ZXDC: variants seen among roughly 807,000 people sequenced by gnomAD.
ZXDC encodes the protein zinc finger protein ZXDC.
Under a neutral mutation model 63.6 loss-of-function variants are expected in ZXDC, and 58 were observed. The ratio of observed to expected loss-of-function variants is 0.91; its 90% CI spans 0.74 to 1.13. The LOEUF (loss-of-function observed/expected upper bound fraction) is 1.13, where lower values mean the gene tolerates loss of function less well. ZXDC is among the 50% of genes most tolerant of loss of function. ZXDC has a pLI of 0.00. For synonymous variants in ZXDC, 561 were observed against 496.1 expected (o/e 1.13, Z -1.74); for missense variants, 1,133 against 1,148.9 (o/e 0.99, Z 0.20).
At chr3:126,440,153 G>A in intron 8 of ZXDC, 1 of 1,009,946 alleles carries the variant, frequency 9.9e-7, no homozygotes, top group Non-Finnish European at 1.2e-6. Context: ...TTGCCTACGG[G>A]CCAGCTGGAA....
chr3:126,458,837 T>C, intron 7 of ZXDC: 1 of 985,378 alleles, frequency 1.0e-6, no homozygotes, highest in Non-Finnish European at 1.2e-6. Flanking sequence ...GAGGTGTCCC[T>C]TCCTAAGTCA....
At chr3:126,451,553 C>T (rs1370742936) in intron 7 of ZXDC, 1 of 985,262 alleles carries the variant, frequency 1.0e-6, no homozygotes, top group Non-Finnish European at 1.2e-6. Flanking sequence ...ACAGAGTGTC[C>T]CCAGTGAAGC....
At chr3:126,458,444 G>GC (rs941004105) in intron 7 of ZXDC, 31 of 252,838 alleles carry the variant, frequency 1.2e-4, no homozygotes, top group Non-Finnish European at 1.7e-4. Context: ...CACCATGTTG[G>GC]CCAGGCTGGT....
chr3:126,450,251 G>T, intron 7 of ZXDC: 2 of 442,490 alleles, frequency 4.5e-6, no homozygotes, highest in Non-Finnish European at 9.1e-6. Flanking sequence ...CCTTGGATGC[G>T]TAAGGGTCAG....
rs139749960 is a variant in ZXDC at position 126,466,249 on chromosome 3, C to T, written c.1347G>A (p.Pro449=). The T allele has an allele frequency of 2.2e-4, 361 of 1,614,150 alleles. No individual in the cohort carries two copies. The African/African-American group carries it at 4.0e-3, about 18-fold the overall frequency. The change falls in exon 5 of 10, where the codon CCG becomes CCA. Residue 449 remains proline (P), a synonymous_variant. Coordinates refer to ENST00000389709, the MANE Select transcript of ZXDC (RefSeq NM_025112.5). The part of the protein sequence containing the change: ...SKKHVQDVGA[P]KSRCPVSTCN... ...AGGTAGAAACTGGGCAACGGCTTTT[C>T]GGAGCACCCACATCCTGCACGTGTT...
chr3:126,461,252 A>T, intron 6 of ZXDC: 1 of 1,188,656 alleles, frequency 8.4e-7, no homozygotes, highest in Non-Finnish European at 1.0e-6. Context: ...CCAATCTTCA[A>T]GGAAAGGAGC....
At chr3:126,446,291 G>T (rs760059087) in intron 7 of ZXDC, among the ~76,000 whole-genome samples, 1 of 152,172 alleles carries the variant, frequency 6.6e-6, no homozygotes. Flanking sequence ...TCCTATCTAG[G>T]TATGATGGTA....
chr3:126,450,744 G>T, intron 7 of ZXDC: 1 of 351,772 alleles, frequency 2.8e-6, no homozygotes, highest in Non-Finnish European at 5.6e-6. Context: ...GTTTTAAAGT[G>T]AAACAGATTA....
At position 126,439,728 on chromosome 3, in the gene ZXDC, C is replaced by T. The variant is rs1258836678; in HGVS notation, c.2395-1G>A. 5 of 1,550,272 alleles carry T rather than the reference C, an allele frequency of 3.2e-6. No homozygotes were observed. In the Middle Eastern group the frequency reaches 6.7e-4, roughly 207 times the overall value. The stretch of plus-strand genomic sequence containing the variant: ...GGACACCTTCGCCGGAGGGGTCATC[C>T]TGGGAAGGCAACACAGAAAGGCCTG... On this transcript the variant is annotated splice_acceptor_variant, in intron 8 of 9. Coordinates refer to ENST00000389709, the MANE Select transcript of ZXDC (RefSeq NM_025112.5). LOFTEE classifies it high-confidence loss of function.
intron 3 of ZXDC, 132 bp downstream of exon 3, chr3:126,471,841 C>A (rs1167499468): frequency 2.8e-6 from 2 of 702,704 alleles, no homozygotes; most frequent in Non-Finnish European, 4.3e-6. Flanking sequence ...TCTGAATTTT[C>A]CAAATCATCA....
Position 126,441,954 on chromosome 3 carries a change from GAAAT to G in ZXDC, c.2213-12_2213-9del. On this transcript the variant is annotated splice_polypyrimidine_tract_variant and intron_variant, in intron 7 of 9. Coordinates refer to ENST00000389709, the MANE Select transcript of ZXDC (RefSeq NM_025112.5). ...GAGTAGACTGTGAGGCTCCTAAAAT[GAAAT>G]ATAAAAACGAGCACACCCAATCTAC... is the stretch of plus-strand genomic sequence containing the variant. 1 of 1,584,472 alleles carries G rather than the reference GAAAT, an allele frequency of 6.3e-7. No homozygotes were observed. The highest frequency in any genetic ancestry group is 1.1e-5 in the South Asian group (1 of 86,982).
chr3:126,472,697 A>G (rs1251287646), intron 1 of ZXDC, among the ~76,000 whole-genome samples: 2 of 152,190 alleles, frequency 1.3e-5, no homozygotes, highest in African/African-American at 4.8e-5. Context: ...GATCTTTGAA[A>G]GGCTACAAAT....
At chr3:126,446,047 A>G (rs949618568) in intron 7 of ZXDC, among the ~76,000 whole-genome samples, 1 of 152,238 alleles carries the variant, frequency 6.6e-6, no homozygotes, top group Non-Finnish European at 1.5e-5. Context: ...CAATATGATC[A>G]ATTTAATTAA....
intron 7 of ZXDC, chr3:126,459,154 C>T (rs1934422398): frequency 6.1e-6 from 6 of 985,332 alleles, no homozygotes; most frequent in Non-Finnish European, 7.2e-6. Flanking sequence ...GTTACCAGCT[C>T]TTGTTTGGTC....
chr3:126,475,065 C>T lies in ZXDC; in HGVS notation c.801G>A (p.Leu267=), dbSNP rs202140917. 6.2e-7 allele frequency: 1 copy of T among 1,605,624 alleles called. No individual in the cohort carries two copies. Among genetic ancestry groups the T allele is most frequent in the African/African-American group, 1.3e-5 (1 of 74,908 alleles). Residue 267 remains leucine (L), a synonymous_variant, in exon 1 of 10, where the codon CTG becomes CTA. Coordinates refer to ENST00000389709, the MANE Select transcript of ZXDC (RefSeq NM_025112.5). ...GCTCGGCGCACACCTCGCACTTGAA[C>T]AGGCTCTCCTGCTCGTGGCCCTTCA... ...AHMKGHEQES[L]FKCEVCAERF...
Position 126,438,434 on chromosome 3 carries a change from C to G in ZXDC, c.2518G>C (p.Ala840Pro). 1 of 1,613,856 alleles carries G rather than the reference C, an allele frequency of 6.2e-7. No individual in the cohort carries two copies. The highest frequency in any genetic ancestry group is 2.2e-5 in the East Asian group (1 of 44,856). The change falls in exon 10 of 10, where the codon GCT (alanine) becomes CCT (proline). Residue 840 changes from alanine to proline, a missense_variant. Transcript: ENST00000389709. The part of the protein sequence containing the change: ...QEVLPSSGGP[A>P]GPEATQFPGS... ...GGGAACTGGGTGGCCTCCGGTCCAG[C>G]AGGGCCTCCAGATGAGGGGAGCACC...
chr3:126,466,348 A>G (rs1373189724), intron 4 of ZXDC, 23 bp from the exon 5 acceptor site: 1 of 1,613,898 alleles, frequency 6.2e-7, no homozygotes, highest in Non-Finnish European at 8.5e-7. Flanking sequence ...GAGTAATGAG[A>G]GTGAAACCCA....
rs924235593 is a variant in ZXDC at position 126,437,679 on chromosome 3, A to G, written c.*696T>C. ...GCCAAATTACCACTTAAACACTAAT[A>G]TCCAAATACAGAATTTAGAAAATTA... On this transcript the variant is annotated 3_prime_UTR_variant, in exon 10 of 10. Transcript: ENST00000389709. The G allele has an allele frequency of 1.3e-5, 2 of 152,444 alleles. No individual in the cohort carries two copies. The highest frequency in any genetic ancestry group is 4.8e-5 in the African/African-American group (2 of 41,434). The allele number at this position is 152,444 out of a possible 1,614,324, so 9.4% of individuals were successfully genotyped here. A position where few individuals can be genotyped will look rare whatever the true frequency, so the allele number is the denominator to read the frequency against.
chr3:126,451,594 T>C, intron 7 of ZXDC: 1 of 985,436 alleles, frequency 1.0e-6, no homozygotes, highest in Non-Finnish European at 1.2e-6. Context: ...ACGCGCTGTG[T>C]GCACCAAGGC....
Sources: gnomAD v4.1 joint callset for allele counts (sites outside exome capture counted in the v4.1 genomes callset) on GRCh38, gnomAD v4.1.1 for gene constraint, MANE v1.5 for transcripts, NCBI Gene and HGNC (gene_info 2026-07-23, HGNC 2026-07-21) for gene names.